CD207: variants seen among roughly 807,000 people sequenced by gnomAD.
CD207 encodes the protein C-type lectin domain family 4 member K.
A neutral mutation model predicts 31.6 loss-of-function variants in CD207; 28 were observed. That is an observed-to-expected ratio of 0.89 (90% confidence interval 0.66 to 1.21). CD207 has a LOEUF of 1.21. Among genes scored for constraint, CD207 ranks in the 50% most tolerant of loss-of-function variants. CD207 has a pLI of 0.00. For missense variants in CD207, 388 were observed against 397.8 expected (o/e 0.98, Z 0.21); for synonymous variants, 168 against 153.9 (o/e 1.09, Z -0.68).
At chr2:70,826,390 A>G (rs7560872), downstream of CD207, among the ~76,000 whole-genome samples, 12 of 151,584 alleles carry the variant, frequency 7.9e-5, no homozygotes, top group South Asian at 2.1e-4. Context: ...AAATTAAATT[A>G]AATTAAAACA....
chr2:70,824,603 T>C, the CD207 span, among the ~76,000 whole-genome samples: 67,525 of 111,380 alleles, frequency 0.61, 19,962 homozygotes, highest in Middle Eastern at 0.74. Flanking sequence ...TACCAGAAAG[T>C]AAGGAGATGC....
rs1288715192 is a variant in CD207, at chr2:70,831,748, G to A, written c.789C>T (p.Asp263=). Residue 263 remains aspartate, a synonymous_variant, in exon 5 of 6, where the codon GAC becomes GAT. Coordinates refer to ENST00000410009, the MANE Select transcript of CD207 (RefSeq NM_015717.5). ...IGLTKAGMEG[D]WSWVDDTPFN... ...ATGGCGTGTCATCCACCCAGGACCA[G>A]TCCCCTTCCATCCCTGCTTTAGTCA... is the stretch of plus-strand genomic sequence containing the variant. The A allele has an allele frequency of 1.2e-6, 2 of 1,613,726 alleles. No individual in the cohort carries two copies. Among genetic ancestry groups the A allele is most frequent in the African/African-American group, 1.3e-5 (1 of 75,030 alleles).
chr2:70,824,251 A>G, the CD207 span, among the ~76,000 whole-genome samples: 91,215 of 151,216 alleles, frequency 0.6, 27,980 homozygotes, highest in Middle Eastern at 0.7. Flanking sequence ...ATACAGCAAC[A>G]ACAATTCAAC....
chr2:70,833,822 A>C lies in CD207; in HGVS notation c.389T>G (p.Val130Gly), dbSNP rs374206558. 126 of 1,613,816 alleles carry C rather than the reference A, an allele frequency of 7.8e-5. No homozygotes were observed. The highest frequency in any genetic ancestry group is 1.1e-4 in the Non-Finnish European group (125 of 1,179,874). ...CTGGATCTGTGCGTTGGCCTTCTCC[A>C]CACTGGTTTTTAACTTCAGGAACTG... ...RSQFLKLKTS[V>G]EKANAQIQIL... is the part of the protein sequence containing the mutation. Residue 130 changes from valine (V) to glycine (G), a missense_variant, in exon 3 of 6, where the codon GTG (valine) becomes GGG (glycine). By Grantham distance (109) the Val-to-Gly change is moderately radical (BLOSUM62 -3). Transcript: ENST00000410009.
In CD207 at chr2:70,833,770, G is replaced by A. The variant is rs553211968; in HGVS notation, c.441C>T (p.Val147=). 5 of 1,614,016 alleles carry A rather than the reference G, an allele frequency of 3.1e-6. No individual in the cohort carries two copies. Among genetic ancestry groups the A allele is most frequent in the East Asian group, 4.5e-5 (2 of 44,884 alleles). The change falls in exon 3 of 6, where the codon GTC becomes GTT. Residue 147 remains valine (V), a synonymous_variant. Coordinates refer to ENST00000410009, the MANE Select transcript of CD207 (RefSeq NM_015717.5). ...CTGGGATTTGGGCATTTAAGGTACT[G>A]ACTTCTTCCCAACTTCTTGTTAAGA... ...IQILTRSWEE[V]STLNAQIPEL...
chr2:70,828,745 A>C (rs1677401910), downstream of CD207, among the ~76,000 whole-genome samples: 1 of 152,106 alleles, frequency 6.6e-6, no homozygotes, highest in Admixed American at 6.5e-5. Context: ...AGCTCACTGC[A>C]ACCTCTGCCT....
downstream of CD207, among the ~76,000 whole-genome samples, chr2:70,828,444 CT>C (rs1677396080): frequency 6.6e-6 from 1 of 152,240 alleles, no homozygotes. Context: ...CACATCCTCA[CT>C]GACTCAGGCT....
the CD207 span, among the ~76,000 whole-genome samples, chr2:70,824,942 C>T: frequency 6.6e-6 from 1 of 152,172 alleles, no homozygotes; most frequent in Non-Finnish European, 1.5e-5. Context: ...CATATAGTGA[C>T]TTCCTTCCAA....
chr2:70,831,623 A>T (rs1677474614), intron 5 of CD207, 78 bp downstream of exon 5: 1 of 863,296 alleles, frequency 1.2e-6, no homozygotes. Flanking sequence ...TCTCATGGGG[A>T]ACATCGCCCC....
chr2:70,831,437 C>T (rs926859632), intron 5 of CD207, among the ~76,000 whole-genome samples: 5 of 152,196 alleles, frequency 3.3e-5, no homozygotes, highest in Non-Finnish European at 2.9e-5. Flanking sequence ...CAAACCCACA[C>T]TGTGAAGACC....
downstream of CD207, among the ~76,000 whole-genome samples, chr2:70,827,072 G>A (rs1343949270): frequency 6.6e-6 from 1 of 151,972 alleles, no homozygotes; most frequent in Non-Finnish European, 1.5e-5. Context: ...AGTTCTCTTG[G>A]TGCCTCAGGC....
Position 70,835,783 on chromosome 2 carries a change from T to G in CD207, c.-7A>C. On this transcript the variant is annotated 5_prime_UTR_variant, in exon 1 of 6. Coordinates refer to ENST00000410009, the MANE Select transcript of CD207 (RefSeq NM_015717.5). ...CCTCCTTCTCCACAGTCATCCTGAG[T>G]GCTCACCCTTATCCTGGGAGCACAG... The G allele has an allele frequency of 1.2e-6, 2 of 1,607,954 alleles. No individual in the cohort carries two copies. Among genetic ancestry groups the G allele is most frequent in the Admixed American group, 1.7e-5 (1 of 59,092 alleles).
chr2:70,826,499 C>T (rs1290778518), downstream of CD207, among the ~76,000 whole-genome samples: 1 of 152,202 alleles, frequency 6.6e-6, no homozygotes, highest in Non-Finnish European at 1.5e-5. Flanking sequence ...ACCTCAGCCT[C>T]CCAAGAGCTA....
downstream of CD207, among the ~76,000 whole-genome samples, chr2:70,826,827 G>A (rs1415684774): frequency 6.6e-6 from 1 of 152,196 alleles, no homozygotes; most frequent in Non-Finnish European, 1.5e-5. Flanking sequence ...TAATTCTATT[G>A]CATGTCTGTA....
chr2:70,827,358 T>C (rs1465591742), downstream of CD207, among the ~76,000 whole-genome samples: 3 of 151,634 alleles, frequency 2.0e-5, no homozygotes. Context: ...GAAAGTTGCC[T>C]TGGGACAGAT....
chr2:70,834,005 C>T lies in CD207; in HGVS notation c.206G>A (p.Gly69Asp), dbSNP rs1228928304. The T allele has an allele frequency of 3.3e-6, 5 of 1,507,180 alleles. No homozygotes were observed. In the African/African-American group the frequency reaches 5.6e-5, roughly 17 times the overall value. The allele number at this position is 1,507,180 out of a possible 1,614,324, so 93.4% of individuals were successfully genotyped here. ...LQAVLYPRFMGTISDVKTNVQ... is the reference protein window; with the variant it reads ...LQAVLYPRFMDTISDVKTNVQ... ...ATTGGTCTTTACATCTGATATGGTG[C>T]CCATAAACCGGGGATCTGGGATTGA... Residue 69 changes from glycine to aspartate, a missense_variant, in exon 3 of 6, where the codon GGC (glycine) becomes GAC (aspartate). Transcript: ENST00000410009.
chr2:70,824,285 C>CCACCATCT, the CD207 span, among the ~76,000 whole-genome samples: 91,174 of 151,206 alleles, frequency 0.6, 27,956 homozygotes, highest in Middle Eastern at 0.7. Flanking sequence ...TGAATGCAAA[C>CCACCATCT]CACCTGGCTT....
intron 1 of CD207, 35 bp from the exon 2 acceptor site, chr2:70,835,642 G>T (rs782275154): frequency 6.2e-7 from 1 of 1,608,456 alleles, no homozygotes; most frequent in African/African-American, 1.3e-5. Context: ...TGTTGAAGGA[G>T]CAGCAAAGGG....
At chr2:70,829,896 G>A (rs1260491595), downstream of CD207, among the ~76,000 whole-genome samples, 1 of 152,146 alleles carries the variant, frequency 6.6e-6, no homozygotes. Context: ...TGTGGAACTG[G>A]GTCTCTGTGA....
Sources: allele counts gnomAD v4.1 joint callset (sites outside exome capture counted in the v4.1 genomes callset), GRCh38; gene constraint gnomAD v4.1.1; transcripts MANE v1.5; gene names NCBI Gene and HGNC (gene_info 2026-07-23, HGNC 2026-07-21).